RBFOX1: variants seen among roughly 807,000 people sequenced by gnomAD.
The protein encoded by RBFOX1 is RNA binding fox-1 homolog 1.
A neutral mutation model predicts 57.7 loss-of-function variants in RBFOX1; 8 were observed. The ratio of observed to expected loss-of-function variants is 0.14; its 90% CI spans 0.08 to 0.25. RBFOX1 has a LOEUF of 0.25. Ranked by LOEUF, RBFOX1 falls within the 10% of genes least tolerant of loss-of-function variation. RBFOX1 has a pLI of 1.00. For missense variants in RBFOX1, 611 were observed against 548.5 expected (o/e 1.11, Z -1.14); for synonymous variants, 326 against 222.4 (o/e 1.47, Z -4.15).
In RBFOX1 at chr16:6,948,938, C is replaced by T. The variant is rs904204494; in HGVS notation, c.-15-103119C>T. On this transcript the variant is annotated intron_variant, in intron 3 of 15. Transcript: ENST00000550418. ...AGGGAGAGTGGGTTATACCATCCTA[C>T]GTTGTGTGGACGAGTTGGGTTGCTG... 4.6e-5 allele frequency among the ~76,000 whole-genome samples: 7 copies of T among 152,044 alleles called. No individual in the cohort carries two copies. The East Asian group carries it at 9.7e-4, about 21-fold the overall frequency.
intron 3 of RBFOX1, among the ~76,000 whole-genome samples, chr16:6,985,832 T>TAAAAAAAAAA (rs565941451): frequency 0.084 from 8,313 of 98,916 alleles, 832 homozygotes; most frequent in African/African-American, 0.22. Context: ...TGAGTTCATG[T>TAAAAAAAAAA]AAAAAAAAAA....
rs1449468946 is a variant in RBFOX1, at chr16:6,478,407, ATATATATATATATATATATATATTTTT to A, written c.-64+161352_-64+161378del. 4.3e-4 allele frequency among the ~76,000 whole-genome samples: 8 copies of A among 18,480 alleles called. 1 individual carries two copies. Among genetic ancestry groups the A allele is most frequent in the African/African-American group, 2.6e-3 (8 of 3,092 alleles). The allele number at this position is 18,480 out of a possible 152,430, so 12.1% of individuals were successfully genotyped here. On this transcript the variant is annotated intron_variant, in intron 2 of 15. Coordinates refer to ENST00000550418, the MANE Select transcript of RBFOX1 (RefSeq NM_018723.4). ...CCAGCTAATATATATATATATATAT[ATATATATATATATATATATATATTTTT>A]TTTTTTTTTTTTTGTATTTTTAGTA...
At chr16:7,211,716 T>G (rs2091178095) in intron 4 of RBFOX1, among the ~76,000 whole-genome samples, 1 of 152,150 alleles carries the variant, frequency 6.6e-6, no homozygotes, top group Admixed American at 6.6e-5. Context: ...GGTTTCCTTT[T>G]CAGCTCTCGT....
intron 3 of RBFOX1, among the ~76,000 whole-genome samples, chr16:6,882,507 T>C (rs1239359938): frequency 6.6e-6 from 1 of 152,044 alleles, no homozygotes; most frequent in African/African-American, 2.4e-5. Flanking sequence ...GGCAGGAGAA[T>C]CACCTGAACT....
At chr16:7,356,606 C>A (rs1429502718) in intron 4 of RBFOX1, among the ~76,000 whole-genome samples, 1 of 152,142 alleles carries the variant, frequency 6.6e-6, no homozygotes, top group East Asian at 1.9e-4. Context: ...CAGTAAGAAG[C>A]CACTGGAAAG....
intron 4 of RBFOX1, among the ~76,000 whole-genome samples, chr16:7,129,068 C>G (rs1453633415): frequency 6.6e-6 from 1 of 152,058 alleles, no homozygotes; most frequent in Non-Finnish European, 1.5e-5. Context: ...ATCCGCCCAC[C>G]TCAGCCTCCC....
At chr16:6,210,377 A>AAAAAAAAG (rs1555552426) in intron 1 of RBFOX1, among the ~76,000 whole-genome samples, 1 of 128,440 alleles carries the variant, frequency 7.8e-6, no homozygotes, top group African/African-American at 2.6e-5. Context: ...AAAAAAAAAA[A>AAAAAAAAG]AGAGAAAGGA....
At chr16:6,530,433 T>A (rs1490866050) in intron 2 of RBFOX1, among the ~76,000 whole-genome samples, 2 of 152,142 alleles carry the variant, frequency 1.3e-5, no homozygotes, top group Non-Finnish European at 1.5e-5. Context: ...TGTAGCAACA[T>A]TGTTGCTATT....
intron 4 of RBFOX1, among the ~76,000 whole-genome samples, chr16:5,898,921 G>A (rs539831993): frequency 6.6e-6 from 1 of 151,508 alleles, no homozygotes; most frequent in South Asian, 2.1e-4. Flanking sequence ...AAAGTAGCCG[G>A]GTGTGGTGTC....
At chr16:5,811,685 G>C (rs9940985) in intron 3 of RBFOX1, among the ~76,000 whole-genome samples, 19 of 152,068 alleles carry the variant, frequency 1.2e-4, no homozygotes, top group African/African-American at 4.3e-4. Flanking sequence ...TCCTGACTTC[G>C]TGGTCTGCCC....
At chr16:6,721,151 A>G (rs752690023) in intron 3 of RBFOX1, among the ~76,000 whole-genome samples, 1 of 152,208 alleles carries the variant, frequency 6.6e-6, no homozygotes, top group Non-Finnish European at 1.5e-5. Context: ...AACATAAAAC[A>G]TATCATGTTG....
chr16:5,982,541 G>A (rs1292608356), intron 4 of RBFOX1, among the ~76,000 whole-genome samples: 3 of 152,152 alleles, frequency 2.0e-5, no homozygotes, highest in Admixed American at 6.5e-5. Flanking sequence ...CTCCCAAAGT[G>A]CTGGGATTAC....
intron 1 of RBFOX1, among the ~76,000 whole-genome samples, chr16:5,325,089 G>A (rs569658775): frequency 3.3e-5 from 5 of 152,264 alleles, no homozygotes; most frequent in African/African-American, 1.2e-4. Flanking sequence ...AAAAGTACCT[G>A]CATTGGAACA....
At chr16:7,464,039 G>T (rs2060043565) in intron 4 of RBFOX1, among the ~76,000 whole-genome samples, 1 of 152,222 alleles carries the variant, frequency 6.6e-6, no homozygotes, top group Admixed American at 6.5e-5. Context: ...AGCCTTGGCT[G>T]CTAATCTTTT....
chr16:7,380,136 G>C (rs1388396667), intron 4 of RBFOX1, among the ~76,000 whole-genome samples: 2 of 152,108 alleles, frequency 1.3e-5, no homozygotes, highest in African/African-American at 4.8e-5. Context: ...GAGACTACAG[G>C]TGTGAGCTGT....
At chr16:5,821,034 G>A (rs780770213) in intron 3 of RBFOX1, among the ~76,000 whole-genome samples, 4 of 152,142 alleles carry the variant, frequency 2.6e-5, no homozygotes, top group Admixed American at 6.5e-5. Flanking sequence ...ATTTTCCCTC[G>A]TTTCCCTTTC....
intron 3 of RBFOX1, among the ~76,000 whole-genome samples, chr16:6,950,220 A>T (rs958036735): frequency 6.6e-6 from 1 of 151,104 alleles, no homozygotes; most frequent in Non-Finnish European, 1.5e-5. Context: ...AGCCTCCCAA[A>T]GCGCCGGGAT....
At position 7,077,846 on chromosome 16, in the gene RBFOX1, A is replaced by G. The variant is rs112531978; in HGVS notation, c.27+25748A>G. Among the ~76,000 whole-genome samples the G allele has an allele frequency of 2.1e-3, 316 of 152,226 alleles. 1 individual carries two copies. The highest frequency in any genetic ancestry group is 7.2e-3 in the African/African-American group (299 of 41,542). ...TGAGATGTGCTTCCAGCTACAACCA[A>G]TTTCTCCCAGTCCATTAGCTACTTT... On this transcript the variant is annotated intron_variant, in intron 4 of 15. Transcript: ENST00000550418.
chr16:6,231,096 C>G (rs78536197), intron 1 of RBFOX1, among the ~76,000 whole-genome samples: 3,310 of 152,070 alleles, frequency 0.022, 109 homozygotes, highest in African/African-American at 0.072. Context: ...GTAAGTTGGC[C>G]AGGAAAGGTT....
Sources: gnomAD v4.1 joint callset for allele counts (sites outside exome capture counted in the v4.1 genomes callset) on GRCh38, gnomAD v4.1.1 for gene constraint, MANE v1.5 for transcripts, NCBI Gene and HGNC (gene_info 2026-07-23, HGNC 2026-07-21) for gene names.